RNF17: variants seen among roughly 807,000 people sequenced by gnomAD.
The protein encoded by RNF17 is ring finger protein 17.
In RNF17, 31 loss-of-function variants were observed where a neutral mutation model predicts 200.5. The observed-to-expected ratio is 0.15, with a 90% CI of 0.12 to 0.21. RNF17 has a LOEUF of 0.21. Among genes scored for constraint, RNF17 ranks in the 10% least tolerant of loss-of-function variants. The probability of loss-of-function intolerance (pLI) is 1.00; values close to 1 mark genes in which losing one functional copy is unlikely to be tolerated. For synonymous variants in RNF17, 606 were observed against 637.8 expected, an observed-to-expected ratio of 0.95 and a Z score of 0.75; for missense variants, 1,628 against 1,905.1, an observed-to-expected ratio of 0.85 and a Z score of 2.71.
chr13:24,799,753 T>G (rs1441866563), intron 12 of RNF17, among the ~76,000 whole-genome samples, 169 bp downstream of exon 12: 2 of 152,138 alleles, frequency 1.3e-5, no homozygotes, highest in East Asian at 3.8e-4. Context: ...AAGTAAAACT[T>G]TATCATTTAC....
chr13:24,869,107 G>A (rs1893979766), intron 31 of RNF17, among the ~76,000 whole-genome samples: 1 of 141,188 alleles, frequency 7.1e-6, no homozygotes, highest in African/African-American at 2.5e-5. Flanking sequence ...CTCCCCTTAG[G>A]GTATAGCTCC....
chr13:24,851,316 T>C (rs1051665862), intron 23 of RNF17, 140 bp from the exon 24 acceptor site: 2 of 680,448 alleles, frequency 2.9e-6, no homozygotes, highest in African/African-American at 3.7e-5. Flanking sequence ...TGGATGTGTT[T>C]AGATATCAAA....
At chr13:24,755,312 A>C in the RNF17 span, among the ~76,000 whole-genome samples, 1 of 152,314 alleles carries the variant, frequency 6.6e-6, no homozygotes, top group East Asian at 1.9e-4. Context: ...ATGTTTTGTC[A>C]GCTTACTCTC....
chr13:24,781,971 A>G (rs555076576), intron 6 of RNF17, 27 bp downstream of exon 6: 11 of 1,381,290 alleles, frequency 8.0e-6, no homozygotes, highest in African/African-American at 2.9e-5. Flanking sequence ...TATGGACTCA[A>G]TGAAACTGAA....
At chr13:24,881,443 T>A (rs1024140385), downstream of RNF17, among the ~76,000 whole-genome samples, 1 of 152,058 alleles carries the variant, frequency 6.6e-6, no homozygotes, top group Non-Finnish European at 1.5e-5. Context: ...GCCTGGCCTA[T>A]CAACCTTTTC....
chr13:24,846,708 A>T (rs78510143), intron 22 of RNF17, among the ~76,000 whole-genome samples: 12,452 of 152,214 alleles, frequency 0.082, 577 homozygotes, highest in East Asian at 0.16. Flanking sequence ...GCTAAAAAAA[A>T]TTGAAAAAAA....
intron 18 of RNF17, among the ~76,000 whole-genome samples, chr13:24,840,697 G>A (rs1199432544): frequency 6.6e-6 from 1 of 151,862 alleles, no homozygotes; most frequent in Non-Finnish European, 1.5e-5. Flanking sequence ...TGGGAGCTAA[G>A]CTATGAGGAC....
downstream of RNF17, chr13:24,883,337 C>A: frequency 6.2e-7 from 1 of 1,613,228 alleles, no homozygotes; most frequent in Non-Finnish European, 8.5e-7. Flanking sequence ...TTCTCTTTGG[C>A]CATTATTAAA....
At chr13:24,763,754 G>C (rs181036516), upstream of RNF17, among the ~76,000 whole-genome samples, 100 of 152,208 alleles carry the variant, frequency 6.6e-4, no homozygotes, top group African/African-American at 2.2e-3. Context: ...CTACCCCAAC[G>C]ATAGCTTCTC....
chr13:24,823,828 C>A (rs1269894070), intron 15 of RNF17, among the ~76,000 whole-genome samples: 2 of 152,190 alleles, frequency 1.3e-5, no homozygotes, highest in Non-Finnish European at 2.9e-5. Flanking sequence ...CTCATAAACT[C>A]TTCCTTCCAA....
intron 15 of RNF17, among the ~76,000 whole-genome samples, chr13:24,821,483 TCTCTGTTGGTTCA>T (rs1361901096): frequency 1.3e-5 from 2 of 152,320 alleles, no homozygotes; most frequent in Non-Finnish European, 2.9e-5. Context: ...TTTCATAATG[TCTCTGTTGGTTCA>T]CTTGAGCCCC....
At chr13:24,839,673 A>C (rs1190853584) in intron 18 of RNF17, among the ~76,000 whole-genome samples, 2 of 152,216 alleles carry the variant, frequency 1.3e-5, no homozygotes, top group Non-Finnish European at 2.9e-5. Flanking sequence ...ATAATTGGTT[A>C]GCCACAGGTA....
At chr13:24,811,549 T>C (rs1319604914) in intron 15 of RNF17, among the ~76,000 whole-genome samples, 2 of 151,796 alleles carry the variant, frequency 1.3e-5, no homozygotes, top group Non-Finnish European at 1.5e-5. Flanking sequence ...TCTTCTAAAT[T>C]TTTTTCAAAG....
chr13:24,843,044 G>A (rs9553456), intron 19 of RNF17, among the ~76,000 whole-genome samples: 26,618 of 151,722 alleles, frequency 0.18, 2,466 homozygotes, highest in South Asian at 0.32. Flanking sequence ...TGTGATGCCT[G>A]TCAGCATAAG....
chr13:24,796,205 C>G lies in RNF17; in HGVS notation c.1309C>G (p.Gln437Glu). The G allele has an allele frequency of 6.2e-7, 1 of 1,612,096 alleles. No homozygotes were observed. The highest frequency in any genetic ancestry group is 8.5e-7 in the Non-Finnish European group (1 of 1,178,634). Reference sequence around the variant, plus strand: ...CCATTTCTACATTCGGAAGTATTCACAAATAAAAGACGCCAAAGTACTGGA... The same window carrying G: ...CCATTTCTACATTCGGAAGTATTCAGAAATAAAAGACGCCAAAGTACTGGA... ...PCHFYIRKYS[Q>E]IKDAKVLEKK... The change falls in exon 11 of 36, where the codon CAA becomes GAA. Residue 437 changes from glutamine to glutamate, a missense_variant. Gln to Glu is a conservative substitution (Grantham distance 29). This residue lies in a region of RNF17 where 289 missense variants were observed against 384.9 expected (regional missense o/e 0.75). Coordinates refer to ENST00000255324, the MANE Select transcript of RNF17 (RefSeq NM_031277.3).
intron 1 of RNF17, among the ~76,000 whole-genome samples, chr13:24,767,027 C>T (rs1216753412): frequency 1.3e-5 from 2 of 152,170 alleles, no homozygotes; most frequent in African/African-American, 2.4e-5. Context: ...ATTGCCCATT[C>T]AACATTAACA....
chr13:24,800,086 A>T (rs996311724), intron 12 of RNF17, among the ~76,000 whole-genome samples: 1 of 152,092 alleles, frequency 6.6e-6, no homozygotes, highest in African/African-American at 2.4e-5. Context: ...GAATAAGTAG[A>T]TTTATATGGG....
At chr13:24,881,921 TATAG>T (rs1209768626), downstream of RNF17, among the ~76,000 whole-genome samples, 4 of 43,108 alleles carry the variant, frequency 9.3e-5, no homozygotes, top group African/African-American at 1.8e-4. Flanking sequence ...GATACATCTA[TATAG>T]ATATATAGAT....
the RNF17 span, among the ~76,000 whole-genome samples, chr13:24,887,905 A>C: frequency 3.9e-5 from 6 of 152,128 alleles, no homozygotes; most frequent in Non-Finnish European, 7.4e-5. Context: ...TCCAAAAACC[A>C]CAGTTTGTGT....
Sources: allele counts gnomAD v4.1 joint callset (sites outside exome capture counted in the v4.1 genomes callset), GRCh38; gene constraint gnomAD v4.1.1; regional missense constraint gnomAD v4.1.1; transcripts MANE v1.5; gene names NCBI Gene and HGNC (gene_info 2026-07-23, HGNC 2026-07-21).